The following OPCML variants were observed in gnomAD, a reference collection of about 807,000 sequenced individuals.
OPCML encodes opioid binding protein/cell adhesion molecule like.
In OPCML, 13 loss-of-function variants were observed where a neutral mutation model predicts 37.8. The observed-to-expected ratio is 0.34, with a 90% CI of 0.22 to 0.55. The LOEUF (loss-of-function observed/expected upper bound fraction) is 0.55. OPCML is among the 20% of genes least tolerant of loss of function. The pLI, the probability that OPCML is intolerant of heterozygous loss-of-function variation, is 0.91. For missense variants in OPCML, 341 were observed against 435.6 expected, an observed-to-expected ratio of 0.78 and a Z score of 1.93; for synonymous variants, 176 against 168.8, an observed-to-expected ratio of 1.04 and a Z score of -0.33.
intron 3 of OPCML, among the ~76,000 whole-genome samples, chr11:132,568,167 T>C (rs561314078): frequency 2.6e-5 from 4 of 152,030 alleles, no homozygotes; most frequent in Non-Finnish European, 5.9e-5. Flanking sequence ...ATACAAAACC[T>C]AAAAGTAACA....
At chr11:133,093,743 G>C (rs181390885) in intron 1 of OPCML, among the ~76,000 whole-genome samples, 4 of 151,702 alleles carry the variant, frequency 2.6e-5, no homozygotes, top group East Asian at 2.0e-4. Context: ...AGACTGTGTA[G>C]GTTCTTCATG....
intron 2 of OPCML, among the ~76,000 whole-genome samples, chr11:132,893,991 C>T (rs1015267007): frequency 6.6e-6 from 1 of 152,140 alleles, no homozygotes; most frequent in Admixed American, 6.5e-5. Flanking sequence ...CAAGCACATG[C>T]CACACCACAA....
chr11:133,198,957 T>A (rs1938649128), intron 1 of OPCML, among the ~76,000 whole-genome samples: 1 of 152,110 alleles, frequency 6.6e-6, no homozygotes, highest in Admixed American at 6.5e-5. Flanking sequence ...GGTACATAAC[T>A]CAAAGCACTT....
At chr11:132,775,206 T>C (rs1946771473) in intron 2 of OPCML, among the ~76,000 whole-genome samples, 1 of 152,238 alleles carries the variant, frequency 6.6e-6, no homozygotes. Flanking sequence ...TCGATGACTA[T>C]GGTAGCTGGA....
chr11:132,760,560 CTT>C (rs200647564), intron 2 of OPCML, among the ~76,000 whole-genome samples: 14 of 126,812 alleles, frequency 1.1e-4, no homozygotes, highest in African/African-American at 1.4e-4. Context: ...TAATGCCCTT[CTT>C]TTTTTTTTTT....
chr11:133,389,631 G>A (rs1319310187), intron 1 of OPCML, among the ~76,000 whole-genome samples: 3 of 151,972 alleles, frequency 2.0e-5, no homozygotes, highest in African/African-American at 7.3e-5. Flanking sequence ...GTATCTTATT[G>A]CACTGAAGAT....
intron 1 of OPCML, among the ~76,000 whole-genome samples, chr11:133,351,331 A>G (rs542367563): frequency 1.3e-4 from 20 of 152,180 alleles, no homozygotes; most frequent in African/African-American, 4.6e-4. Context: ...TTCCAACACA[A>G]CTGCAGTTAT....
At chr11:133,257,175 G>A (rs1200976287) in intron 1 of OPCML, among the ~76,000 whole-genome samples, 3 of 152,204 alleles carry the variant, frequency 2.0e-5, no homozygotes, top group Non-Finnish European at 4.4e-5. Flanking sequence ...TTTGATAACT[G>A]AAGTGGACAA....
rs79803891 is a variant in OPCML at position 133,310,757 on chromosome 11, T to A, written c.61+221507A>T. Among the ~76,000 whole-genome samples the A allele has an allele frequency of 3.8e-4, 58 of 152,224 alleles. No individual in the cohort carries two copies. In the East Asian group the frequency reaches 0.011, roughly 28 times the overall value. Reference sequence around the variant, plus strand: ...TTAAGTGAGAATCCTCAGCCTGAAATCCTGGCTCAAATAGAAAACAGCATC... The same window carrying A: ...TTAAGTGAGAATCCTCAGCCTGAAAACCTGGCTCAAATAGAAAACAGCATC... On this transcript the variant is annotated intron_variant, in intron 1 of 7. Coordinates refer to ENST00000524381, the MANE Select transcript of OPCML (RefSeq NM_001012393.5).
At chr11:133,407,767 A>G (rs1182007052) in intron 1 of OPCML, among the ~76,000 whole-genome samples, 2 of 152,228 alleles carry the variant, frequency 1.3e-5, no homozygotes, top group African/African-American at 4.8e-5. Flanking sequence ...TAGGTCAGAA[A>G]GTATCTGACA....
At chr11:133,386,457 C>T (rs1281568243) in intron 1 of OPCML, among the ~76,000 whole-genome samples, 1 of 152,164 alleles carries the variant, frequency 6.6e-6, no homozygotes, top group Non-Finnish European at 1.5e-5. Context: ...TACTGGCCAG[C>T]TCCCAGCTCC....
intron 4 of OPCML, among the ~76,000 whole-genome samples, chr11:132,441,158 C>CTTTTTTTTTTTTTTTTTTTTTTTTTTTTT (rs749099654): frequency 9.3e-6 from 1 of 108,058 alleles, no homozygotes; most frequent in African/African-American, 4.4e-5. Flanking sequence ...TCACCAAGGA[C>CTTTTTTTTTTTTTTTTTTTTTTTTTTTTT]TTTTTTGTTT....
chr11:132,737,398 C>T (rs151075323), intron 2 of OPCML, among the ~76,000 whole-genome samples: 258 of 152,056 alleles, frequency 1.7e-3, no homozygotes, highest in African/African-American at 6.0e-3. Flanking sequence ...CCCAACTTTT[C>T]GACACATCAT....
chr11:133,517,225 T>G, intron 1 of OPCML, among the ~76,000 whole-genome samples: 1 of 152,258 alleles, frequency 6.6e-6, no homozygotes, highest in Non-Finnish European at 1.5e-5. Flanking sequence ...TATTTTTATC[T>G]TACTCTTTTT....
chr11:133,262,677 CCTATCCAGGT>C (rs1941531045), intron 1 of OPCML, among the ~76,000 whole-genome samples: 1 of 152,140 alleles, frequency 6.6e-6, no homozygotes, highest in African/African-American at 2.4e-5. Context: ...CGTGTGGCTT[CCTATCCAGGT>C]CTTTCTGGCA....
chr11:132,589,831 A>AT (rs1326644124), intron 3 of OPCML, among the ~76,000 whole-genome samples: 2 of 152,056 alleles, frequency 1.3e-5, no homozygotes, highest in Non-Finnish European at 2.9e-5. Flanking sequence ...TTCCTTAGAT[A>AT]TTTTTTCTGG....
At chr11:133,439,530 C>G (rs1371474725) in intron 1 of OPCML, among the ~76,000 whole-genome samples, 1 of 151,746 alleles carries the variant, frequency 6.6e-6, no homozygotes, top group South Asian at 2.1e-4. Flanking sequence ...TGCAGTGGCT[C>G]CATCTCTGCT....
At chr11:132,905,936 G>A (rs368881841) in intron 2 of OPCML, among the ~76,000 whole-genome samples, 1 of 152,196 alleles carries the variant, frequency 6.6e-6, no homozygotes, top group African/African-American at 2.4e-5. Context: ...AATGATGCAT[G>A]TCTTAGCATT....
At chr11:132,436,620 C>T in intron 6 of OPCML, 39 bp downstream of exon 6, 2 of 1,608,016 alleles carry the variant, frequency 1.2e-6, no homozygotes, top group Non-Finnish European at 1.7e-6. Context: ...AGACCATCAG[C>T]TCTGCTTCAG....
Sources: gnomAD v4.1 joint callset for allele counts (sites outside exome capture counted in the v4.1 genomes callset) on GRCh38, gnomAD v4.1.1 for gene constraint, MANE v1.5 for transcripts, NCBI Gene and HGNC (gene_info 2026-07-23, HGNC 2026-07-21) for gene names.